The following ST7 variants were observed in gnomAD, a reference collection of about 807,000 sequenced individuals.
ST7 encodes the protein suppressor of tumorigenicity 7 protein.
A neutral mutation model predicts 78.7 loss-of-function variants in ST7; 28 were observed. The ratio of observed to expected loss-of-function variants is 0.36; its 90% CI spans 0.26 to 0.49. The LOEUF is 0.49. Among genes scored for constraint, ST7 ranks in the 20% least tolerant of loss-of-function variants. ST7 has a pLI of 0.99. For missense variants in ST7, 418 were observed against 696.0 expected, an observed-to-expected ratio of 0.60 and a Z score of 4.49; for synonymous variants, 247 against 249.6, an observed-to-expected ratio of 0.99 and a Z score of 0.10.
chr7:117,064,010 A>G (rs1242866925), intron 1 of ST7, among the ~76,000 whole-genome samples: 1 of 152,208 alleles, frequency 6.6e-6, no homozygotes, highest in African/African-American at 2.4e-5. Flanking sequence ...ATTTCCTCAT[A>G]TTTCTTCAGT....
intron 2 of ST7, among the ~76,000 whole-genome samples, chr7:117,113,522 G>T (rs1004054237): frequency 2.0e-5 from 3 of 152,174 alleles, no homozygotes; most frequent in African/African-American, 7.2e-5. Flanking sequence ...GGTTAGGCCA[G>T]ATTTGTCCAG....
In ST7 at chr7:117,119,696, G is replaced by A. The variant is rs1263722035; in HGVS notation, c.370G>A (p.Asp124Asn). ...NNSNSSNGDS[D>N]SNRQSVSECK... Reference sequence around the variant, plus strand: ...TTCTAATTCCAGTAACGGGGACTCAGATTCCAATAGGCAAAGTGTCTCAGG... The same window carrying A: ...TTCTAATTCCAGTAACGGGGACTCAAATTCCAATAGGCAAAGTGTCTCAGG... The change falls in exon 3 of 16, where the codon GAT becomes AAT. Residue 124 changes from aspartate (D) to asparagine (N), a missense_variant. Physicochemically the swap from Asp to Asn is conservative, Grantham distance 23. Around this residue, in one of 4 missense-constraint regions of ST7, gnomAD observed 36 missense variants for 29.7 expected, o/e 1.21. Transcript: ENST00000323984. 6.2e-7 allele frequency: 1 copy of A among 1,613,026 alleles called. No homozygotes were observed. The highest frequency in any genetic ancestry group is 1.1e-5 in the South Asian group (1 of 90,672).
At chr7:117,074,914 G>A (rs1161261495) in intron 1 of ST7, among the ~76,000 whole-genome samples, 1 of 152,152 alleles carries the variant, frequency 6.6e-6, no homozygotes, top group South Asian at 2.1e-4. Flanking sequence ...TAATCTCATA[G>A]AATAATTTCA....
At chr7:117,075,905 CAGGAAACTACCTTT>C (rs1799306031) in intron 1 of ST7, among the ~76,000 whole-genome samples, 1 of 152,200 alleles carries the variant, frequency 6.6e-6, no homozygotes. Flanking sequence ...GTTCCTTCCT[CAGGAAACTACCTTT>C]AGGCCTCTCA....
intron 1 of ST7, among the ~76,000 whole-genome samples, chr7:117,007,890 C>A (rs563212019): frequency 6.6e-6 from 1 of 152,334 alleles, no homozygotes; most frequent in South Asian, 2.1e-4. Flanking sequence ...GTTGCACAGG[C>A]ACAAATGTCT....
At chr7:117,025,142 G>A (rs918807769) in intron 1 of ST7, among the ~76,000 whole-genome samples, 8 of 152,180 alleles carry the variant, frequency 5.3e-5, no homozygotes, top group Non-Finnish European at 8.8e-5. Flanking sequence ...TCTTTTATGT[G>A]CATCTCAGGC....
chr7:116,990,820 G>C (rs1794393243), intron 1 of ST7, among the ~76,000 whole-genome samples: 1 of 151,960 alleles, frequency 6.6e-6, no homozygotes, highest in Non-Finnish European at 1.5e-5. Flanking sequence ...CTTTACTAAT[G>C]TCTTTCCCTC....
At chr7:116,981,114 G>GTTT (rs751948037) in intron 1 of ST7, among the ~76,000 whole-genome samples, 1 of 145,402 alleles carries the variant, frequency 6.9e-6, no homozygotes, top group Non-Finnish European at 1.5e-5. Context: ...CAGTAGTTTT[G>GTTT]TTTTTTTTTT....
intron 1 of ST7, among the ~76,000 whole-genome samples, chr7:117,044,906 T>A (rs1797417120): frequency 6.6e-6 from 1 of 152,170 alleles, no homozygotes; most frequent in Non-Finnish European, 1.5e-5. Context: ...ATATGTGAGA[T>A]GTGTTCCAAA....
chr7:117,197,369 G>C (rs551232453), intron 12 of ST7, among the ~76,000 whole-genome samples: 4 of 152,132 alleles, frequency 2.6e-5, no homozygotes, highest in Non-Finnish European at 4.4e-5. Context: ...TTGACATGAC[G>C]GGTCAACTTC....
rs1300649306 is a variant in ST7 at position 117,131,736 on chromosome 7, A to G, written c.566-149A>G. On this transcript the variant is annotated intron_variant, in intron 5 of 15. Coordinates refer to ENST00000323984, the MANE Select transcript of ST7 (RefSeq NM_001369598.1). Reference sequence around the variant, plus strand: ...TGGAATAGCACATTAATACACTAATATGACTTTGGAGATTTTGGCCAACCC... The same window carrying G: ...TGGAATAGCACATTAATACACTAATGTGACTTTGGAGATTTTGGCCAACCC... 4 of 684,500 alleles carry G rather than the reference A, an allele frequency of 5.8e-6. No individual in the cohort carries two copies. The Admixed American group carries it at 1.1e-4, about 19-fold the overall frequency. The allele number at this position is 684,500 out of a possible 1,614,324, so 42.4% of individuals were successfully genotyped here.
Position 117,134,109 on chromosome 7 carries a change from T to C in ST7, c.642-15T>C. 1 of 1,610,964 alleles carries C rather than the reference T, an allele frequency of 6.2e-7. No homozygotes were observed. Among genetic ancestry groups the C allele is most frequent in the Non-Finnish European group, 8.5e-7 (1 of 1,178,374 alleles). ...CAATTTTCATTTTACCAACTATTTT[T>C]TTCTTCTTGGTCAGAATTAGGTCCA... On this transcript the variant is annotated splice_polypyrimidine_tract_variant and intron_variant, in intron 6 of 15. Coordinates refer to ENST00000323984, the MANE Select transcript of ST7 (RefSeq NM_001369598.1).
At chr7:117,189,949 A>G (rs1641335163) in intron 11 of ST7, among the ~76,000 whole-genome samples, 1 of 152,230 alleles carries the variant, frequency 6.6e-6, no homozygotes. Flanking sequence ...GTCAGATGAA[A>G]GAGCATAGAT....
intron 3 of ST7, among the ~76,000 whole-genome samples, chr7:117,127,286 G>A (rs1803930301): frequency 1.3e-5 from 2 of 151,706 alleles, no homozygotes; most frequent in African/African-American, 4.8e-5. Context: ...AATATGCTTG[G>A]CATTTACATC....
intron 2 of ST7, among the ~76,000 whole-genome samples, chr7:117,115,019 G>C (rs545248107): frequency 1.3e-5 from 2 of 152,264 alleles, no homozygotes; most frequent in African/African-American, 2.4e-5. Flanking sequence ...CTGGGCATTG[G>C]TAACTGGGTC....
At chr7:117,153,406 A>G (rs542373953) in intron 9 of ST7, among the ~76,000 whole-genome samples, 88 of 152,266 alleles carry the variant, frequency 5.8e-4, no homozygotes, top group African/African-American at 2.1e-3. Flanking sequence ...TGATTTAGAT[A>G]GTGAGTGAAG....
intron 1 of ST7, among the ~76,000 whole-genome samples, chr7:116,989,703 G>C (rs913377142): frequency 6.6e-6 from 1 of 151,740 alleles, no homozygotes; most frequent in African/African-American, 2.4e-5. Context: ...GCTGGGCATG[G>C]TGACATGTAC....
chr7:117,221,972 T>G lies in ST7; in HGVS notation c.1548T>G (p.Ile516Met). Residue 516 changes from isoleucine (I) to methionine (M), a missense_variant, in exon 15 of 16, where the codon ATT becomes ATG. Around this residue, in one of 4 missense-constraint regions of ST7, gnomAD observed 288 missense variants for 537.1 expected, o/e 0.54. Coordinates refer to ENST00000323984, the MANE Select transcript of ST7 (RefSeq NM_001369598.1). ...VYPKKELPFF[I>M]LFTAGLCSFT... The stretch of plus-strand genomic sequence containing the variant: ...CAAAGAAGGAGCTTCCCTTCTTTAT[T>G]CTCTTTACTGCTGGATTATGTTCCT... 1 of 1,613,022 alleles carries G rather than the reference T, an allele frequency of 6.2e-7. No homozygotes were observed. Among genetic ancestry groups the G allele is most frequent in the Non-Finnish European group, 8.5e-7 (1 of 1,179,556 alleles).
chr7:117,107,230 C>A (rs910192615), intron 2 of ST7, among the ~76,000 whole-genome samples: 5 of 152,068 alleles, frequency 3.3e-5, no homozygotes, highest in African/African-American at 4.8e-5. Context: ...TATAAACATG[C>A]GTGTACAAGT....
Sources: gnomAD v4.1 joint callset for allele counts (sites outside exome capture counted in the v4.1 genomes callset) on GRCh38, gnomAD v4.1.1 for gene constraint, gnomAD v4.1.1 regional missense constraint, MANE v1.5 for transcripts, NCBI Gene and HGNC (gene_info 2026-07-23, HGNC 2026-07-21) for gene names.